The following ARHGAP9 variants were observed in gnomAD, a reference collection of about 807,000 sequenced individuals.
ARHGAP9 encodes rho GTPase-activating protein 9.
Under a neutral mutation model 87.3 loss-of-function variants are expected in ARHGAP9, and 76 were observed. The ratio of observed to expected loss-of-function variants is 0.87; its 90% CI spans 0.72 to 1.05. The LOEUF (loss-of-function observed/expected upper bound fraction) is 1.05. ARHGAP9 is among the 50% of genes least tolerant of loss of function. The probability of loss-of-function intolerance (pLI) is 0.00; values close to 1 mark genes in which losing one functional copy is unlikely to be tolerated. For synonymous variants in ARHGAP9, 382 were observed against 394.9 expected, an observed-to-expected ratio of 0.97 and a Z score of 0.39; for missense variants, 941 against 960.5, an observed-to-expected ratio of 0.98 and a Z score of 0.27.
chr12:57,478,636 G>T lies in ARHGAP9; in HGVS notation c.438C>A (p.Asp146Glu), dbSNP rs887245277. ...GCTTCAGAAGGCTGGGGCTCAGATT[G>T]TCAGTGCTGACGCTCCTACACATTT... ...PRKMCRSVST[D>E]NLSPSLLKPF... Residue 146 changes from aspartate to glutamate, a missense_variant, in exon 3 of 18, where the codon GAC becomes GAA. Physicochemically the swap from Asp to Glu is conservative, Grantham distance 45. Transcript: ENST00000393791. The T allele has an allele frequency of 6.2e-6, 10 of 1,614,002 alleles. No homozygotes were observed. Among genetic ancestry groups the T allele is most frequent in the East Asian group, 2.2e-5 (1 of 44,862 alleles).
At position 57,474,944 on chromosome 12, in the gene ARHGAP9, G is replaced by A. The variant is rs1295124832; in HGVS notation, c.1582C>T (p.Leu528Phe). 1.2e-6 allele frequency: 2 copies of A among 1,614,130 alleles called. No individual in the cohort carries two copies. Among genetic ancestry groups the A allele is most frequent in the Non-Finnish European group, 1.7e-6 (2 of 1,180,030 alleles). The change falls in exon 13 of 18, where the codon CTC becomes TTC. Residue 528 changes from leucine to phenylalanine, a missense_variant. Physicochemically the swap from Leu to Phe is conservative, Grantham distance 22. Transcript: ENST00000393791. Reference protein sequence around the residue: ...DQVFGCQLESLCQREGDTVPS... With the variant: ...DQVFGCQLESFCQREGDTVPS... Reference sequence around the variant, plus strand: ...ACCGTGTCTCCTTCCCGCTGGCAGAGTGATTCCAACTGGCAGCCGAACACC... The same window carrying A: ...ACCGTGTCTCCTTCCCGCTGGCAGAATGATTCCAACTGGCAGCCGAACACC...
intron 3 of ARHGAP9, 110 bp from the exon 4 acceptor site, chr12:57,477,790 G>T: frequency 1.3e-6 from 2 of 1,538,744 alleles, no homozygotes; most frequent in Non-Finnish European, 1.7e-6. Flanking sequence ...CTCACCGCCA[G>T]CTCTGGGCTG....
intron 17 of ARHGAP9, 145 bp from the exon 18 acceptor site, chr12:57,472,833 G>C: frequency 1.2e-6 from 1 of 822,088 alleles, no homozygotes; most frequent in South Asian, 1.7e-5. Context: ...GAGATACAAG[G>C]AGAATGGAGA....
upstream of ARHGAP9, among the ~76,000 whole-genome samples, chr12:57,483,609 A>G (rs1875184317): frequency 6.6e-6 from 1 of 152,206 alleles, no homozygotes; most frequent in African/African-American, 2.4e-5. Flanking sequence ...TCACATTCTT[A>G]AAGTGCACTG....
chr12:57,478,456 A>T, intron 3 of ARHGAP9, 84 bp downstream of exon 3: 2 of 1,330,926 alleles, frequency 1.5e-6, no homozygotes, highest in Admixed American at 3.9e-5. Flanking sequence ...TGTGTTTGTC[A>T]TCCCCAGGGG....
chr12:57,479,781 G>C lies in ARHGAP9; in HGVS notation c.-70C>G. The C allele has an allele frequency of 1.3e-6, 2 of 1,549,944 alleles. No homozygotes were observed. On this transcript the variant is annotated 5_prime_UTR_variant, in exon 1 of 18. Transcript: ENST00000393791. Reference sequence around the variant, plus strand: ...GAGCAGGAGTTGGTCCTGGGTAGTGGTGGGAGTCTTGAGGTGGACACAGGA... The same window carrying C: ...GAGCAGGAGTTGGTCCTGGGTAGTGCTGGGAGTCTTGAGGTGGACACAGGA...
chr12:57,488,801 C>G, exon 1 of ARHGAP9: 1 of 850,288 alleles, frequency 1.2e-6, no homozygotes, highest in South Asian at 1.7e-5. Flanking sequence ...CAGTCCCCAT[C>G]TGTTGCTTCC....
chr12:57,480,699 T>G, upstream of ARHGAP9: 1 of 1,388,380 alleles, frequency 7.2e-7, no homozygotes, highest in Non-Finnish European at 1.0e-6. Context: ...TGATGCCAGC[T>G]TCTCCTTGGT....
chr12:57,474,096 G>T lies in ARHGAP9; in HGVS notation c.1864C>A (p.Leu622Met). Residue 622 changes from leucine to methionine, a missense_variant, in exon 16 of 18, where the codon CTG (leucine) becomes ATG (methionine). By Grantham distance (15) the Leu-to-Met change is conservative. Coordinates refer to ENST00000393791, the MANE Select transcript of ARHGAP9 (RefSeq NM_032496.4). ...TGALKLFLRE[L>M]PQPLVPPLLL... ...AGTGGTGGCACCAGAGGCTGGGGCA[G>T]CTCCCGGAGAAAAAGCTTCAGGGCT... 6.2e-7 allele frequency: 1 copy of T among 1,614,148 alleles called. No individual in the cohort carries two copies. The highest frequency in any genetic ancestry group is 1.3e-5 in the African/African-American group (1 of 75,046).
rs1872918345 is a variant in ARHGAP9, at chr12:57,474,623, C to T, written c.1729+3G>A. 2 of 1,614,068 alleles carry T rather than the reference C, an allele frequency of 1.2e-6. No homozygotes were observed. Among genetic ancestry groups the T allele is most frequent in the Non-Finnish European group, 1.7e-6 (2 of 1,180,046 alleles). On this transcript the variant is annotated splice_donor_region_variant and intron_variant, in intron 14 of 17. Coordinates refer to ENST00000393791, the MANE Select transcript of ARHGAP9 (RefSeq NM_032496.4). ...ACAACCACTGGCCCACAAGCCTTCT[C>T]ACCTCTGTCCACCAGAAAGCGAAGC...
chr12:57,476,912 G>A lies in ARHGAP9; in HGVS notation c.922C>T (p.Gln308Ter). 1 of 1,614,014 alleles carries A rather than the reference G, an allele frequency of 6.2e-7. No homozygotes were observed. Among genetic ancestry groups the A allele is most frequent in the Non-Finnish European group, 8.5e-7 (1 of 1,179,968 alleles). ...RTSQLDPPAL[Q>*]APRPLPQLLD... Reference sequence around the variant, plus strand: ...AGCTGCGGCAGAGGTCGAGGGGCCTGCAAGGCTGGAGGGTCAAGCTGCGAG... The same window carrying A: ...AGCTGCGGCAGAGGTCGAGGGGCCTACAAGGCTGGAGGGTCAAGCTGCGAG... Residue 308 changes from glutamine to a stop codon, truncating the protein, a stop_gained, in exon 6 of 18, where the codon CAG (glutamine) becomes TAG (stop). Coordinates refer to ENST00000393791, the MANE Select transcript of ARHGAP9 (RefSeq NM_032496.4). LOFTEE classifies it high-confidence loss of function.
At position 57,476,143 on chromosome 12, in the gene ARHGAP9, T is replaced by G. The variant is rs1344970507; in HGVS notation, c.1140A>C (p.Glu380Asp). The change falls in exon 9 of 18, where the codon GAA becomes GAC. Residue 380 changes from glutamate to aspartate, a missense_variant. Transcript: ENST00000393791. ...SGWGPAGSRP[E>D]SSVDLRGAAL... ...CCGCCCCGCGCAGGTCCACGCTACT[T>G]TCGGGCCGGCTACCCGCTGGTCCCT... The G allele has an allele frequency of 6.5e-7, 1 of 1,542,964 alleles. No homozygotes were observed. The highest frequency in any genetic ancestry group is 8.7e-7 in the Non-Finnish European group (1 of 1,143,782).
intron 9 of ARHGAP9, 49 bp from the exon 10 acceptor site, chr12:57,475,980 AAGC>A: frequency 6.4e-7 from 1 of 1,567,712 alleles, no homozygotes; most frequent in Non-Finnish European, 8.6e-7. Flanking sequence ...GGAGTATAAT[AAGC>A]AGGGAGACCT....
intron 13 of ARHGAP9, 67 bp downstream of exon 13, chr12:57,474,808 G>T: frequency 6.2e-7 from 1 of 1,605,238 alleles, no homozygotes; most frequent in South Asian, 1.1e-5. Context: ...TAGGTAGAAT[G>T]GGGGAGGCAG....
intron 3 of ARHGAP9, 25 bp downstream of exon 3, chr12:57,478,515 C>T (rs1319747187): frequency 1.9e-6 from 3 of 1,610,054 alleles, no homozygotes; most frequent in Non-Finnish European, 2.5e-6. Context: ...AGAACAGGGC[C>T]CAGCTCAGAA....
chr12:57,487,850 CAAAAAAAA>C (rs10715375), intron 1 of ARHGAP9: 88 of 179,944 alleles, frequency 4.9e-4, no homozygotes, highest in Middle Eastern at 1.9e-3. Context: ...CGCCCTCTCA[CAAAAAAAA>C]AAAAAAAAAA....
intron 1 of ARHGAP9, chr12:57,488,048 G>C (rs770162585): frequency 3.9e-6 from 6 of 1,556,440 alleles, no homozygotes; most frequent in African/African-American, 2.7e-5. Flanking sequence ...ACTCAGAAGC[G>C]GGAGGCCGGT....
chr12:57,485,558 A>AG (rs1875334983), intron 1 of ARHGAP9, among the ~76,000 whole-genome samples: 1 of 150,218 alleles, frequency 6.7e-6, no homozygotes, highest in Non-Finnish European at 1.5e-5. Flanking sequence ...CTCCATCTGA[A>AG]AAAAAAAAAA....
intron 5 of ARHGAP9, 60 bp from the exon 6 acceptor site, chr12:57,477,023 A>C: frequency 5.6e-6 from 8 of 1,425,024 alleles, no homozygotes; most frequent in Non-Finnish European, 7.7e-6. Flanking sequence ...TCCCTGGCTG[A>C]AGGAGGAAGA....
Sources: allele counts gnomAD v4.1 joint callset (sites outside exome capture counted in the v4.1 genomes callset), GRCh38; gene constraint gnomAD v4.1.1; transcripts MANE v1.5; gene names NCBI Gene and HGNC (gene_info 2026-07-23, HGNC 2026-07-21).